Variants in ICA1 observed in about 807,000 individuals in gnomAD.
The protein encoded by ICA1 is 69 kDa islet cell autoantigen.
A neutral mutation model predicts 71.0 loss-of-function variants in ICA1; 40 were observed. The ratio of observed to expected loss-of-function variants is 0.56; its 90% CI spans 0.44 to 0.73. ICA1 has a LOEUF of 0.73. Among genes scored for constraint, ICA1 ranks in the 30% least tolerant of loss-of-function variants. The probability of loss-of-function intolerance (pLI) is 0.00; values close to 1 mark genes in which losing one functional copy is unlikely to be tolerated. For missense variants in ICA1, 578 were observed against 576.5 expected, an observed-to-expected ratio of 1.00 and a Z score of -0.03; for synonymous variants, 207 against 209.5, an observed-to-expected ratio of 0.99 and a Z score of 0.10.
intron 1 of ICA1, among the ~76,000 whole-genome samples, chr7:8,245,585 A>G (rs772487423): frequency 1.3e-5 from 2 of 152,178 alleles, no homozygotes; most frequent in African/African-American, 4.8e-5. Flanking sequence ...GAATTATACT[A>G]TGAGTTTAAA....
chr7:8,236,429 T>C (rs1179129750), intron 1 of ICA1, among the ~76,000 whole-genome samples: 1 of 152,184 alleles, frequency 6.6e-6, no homozygotes, highest in Non-Finnish European at 1.5e-5. Flanking sequence ...GAGAGAGATA[T>C]ACAGCAGCTT....
Position 8,228,675 on chromosome 7 carries a change from T to C in ICA1, c.184-2A>G. On this transcript the variant is annotated splice_acceptor_variant, in intron 3 of 13. Transcript: ENST00000402384. LOFTEE classifies it high-confidence loss of function. ...GGTTCTCTGAATTGAATGAAACAGC[T>C]GTAATAAAAATACAAACAAAATGCA... 1 of 1,592,212 alleles carries C rather than the reference T, an allele frequency of 6.3e-7. No individual in the cohort carries two copies. Among genetic ancestry groups the C allele is most frequent in the Non-Finnish European group, 8.6e-7 (1 of 1,167,366 alleles).
At chr7:8,162,962 C>T (rs1804453630) in intron 6 of ICA1, among the ~76,000 whole-genome samples, 1 of 152,184 alleles carries the variant, frequency 6.6e-6, no homozygotes. Flanking sequence ...TACGGTTTCA[C>T]CATGTTGGCC....
intron 13 of ICA1, among the ~76,000 whole-genome samples, chr7:8,125,279 G>A (rs985290365): frequency 5.9e-5 from 9 of 152,158 alleles, no homozygotes; most frequent in African/African-American, 2.2e-4. Flanking sequence ...TCCCTGTGTG[G>A]CCTGGCCTCC....
intron 1 of ICA1, among the ~76,000 whole-genome samples, chr7:8,237,752 T>C (rs1457603216): frequency 6.6e-6 from 1 of 152,134 alleles, no homozygotes; most frequent in Non-Finnish European, 1.5e-5. Context: ...ATCTGTGTTG[T>C]AGTATATGAC....
At chr7:8,158,378 C>A in intron 7 of ICA1, 149 bp downstream of exon 7, 1 of 912,940 alleles carries the variant, frequency 1.1e-6, no homozygotes, top group South Asian at 1.7e-5. Flanking sequence ...ACGTAGGGCC[C>A]TAGAAGGCAG....
chr7:8,246,809 C>T (rs774412015), intron 1 of ICA1, among the ~76,000 whole-genome samples: 6 of 152,164 alleles, frequency 3.9e-5, no homozygotes, highest in African/African-American at 9.7e-5. Flanking sequence ...TATAGTGGTG[C>T]GATCTCGGCT....
intron 6 of ICA1, among the ~76,000 whole-genome samples, chr7:8,183,849 A>T (rs1283747496): frequency 6.6e-6 from 1 of 152,192 alleles, no homozygotes; most frequent in African/African-American, 2.4e-5. Flanking sequence ...GCTACAGATA[A>T]GGCATGATCT....
At chr7:8,218,719 G>A (rs1292471117) in intron 5 of ICA1, 5 of 572,782 alleles carry the variant, frequency 8.7e-6, no homozygotes, top group Non-Finnish European at 1.6e-5. Context: ...TTAGTTTACT[G>A]CTACTAACTG....
At chr7:8,195,762 G>A (rs906678320) in intron 6 of ICA1, among the ~76,000 whole-genome samples, 6 of 152,014 alleles carry the variant, frequency 3.9e-5, no homozygotes, top group Non-Finnish European at 7.4e-5. Flanking sequence ...GGAGGATCAC[G>A]AGGTCAGGAG....
chr7:8,202,660 C>T (rs1790126732), intron 6 of ICA1, among the ~76,000 whole-genome samples: 1 of 152,122 alleles, frequency 6.6e-6, no homozygotes, highest in Non-Finnish European at 1.5e-5. Flanking sequence ...TTTTATATCA[C>T]CCTTGACTTT....
intron 1 of ICA1, among the ~76,000 whole-genome samples, chr7:8,253,388 A>G (rs1373205190): frequency 1.3e-5 from 2 of 152,232 alleles, no homozygotes; most frequent in African/African-American, 4.8e-5. Context: ...GTGAATAGTA[A>G]GTGAAGTGGT....
chr7:8,216,615 C>A (rs916052947), intron 6 of ICA1, among the ~76,000 whole-genome samples: 4 of 146,504 alleles, frequency 2.7e-5, no homozygotes, highest in Non-Finnish European at 4.5e-5. Flanking sequence ...AATTCTTCTG[C>A]CTTCCAGAAT....
At chr7:8,214,946 C>T (rs997202455) in intron 6 of ICA1, among the ~76,000 whole-genome samples, 2 of 152,180 alleles carry the variant, frequency 1.3e-5, no homozygotes, top group African/African-American at 4.8e-5. Context: ...GGTGCTACCA[C>T]GGAATCTGGT....
At chr7:8,191,392 C>G (rs561844212) in intron 6 of ICA1, among the ~76,000 whole-genome samples, 40 of 152,332 alleles carry the variant, frequency 2.6e-4, no homozygotes, top group African/African-American at 9.1e-4. Context: ...TCAGCAGAAA[C>G]TGTACTTCAA....
chr7:8,259,503 G>A (rs985187721), intron 1 of ICA1, among the ~76,000 whole-genome samples: 15 of 152,194 alleles, frequency 9.9e-5, no homozygotes, highest in African/African-American at 3.4e-4. Flanking sequence ...CAAAGCAGCA[G>A]CATTCTTTTT....
Position 8,236,017 on chromosome 7 carries a change from C to A in ICA1, c.-79-12G>T. 7.5e-7 allele frequency: 1 copy of A among 1,340,272 alleles called. No individual in the cohort carries two copies. The highest frequency in any genetic ancestry group is 1.2e-5 in the South Asian group (1 of 82,022). The allele number at this position is 1,340,272 out of a possible 1,614,324, so 83.0% of individuals were successfully genotyped here. On this transcript the variant is annotated splice_polypyrimidine_tract_variant and intron_variant, in intron 1 of 13. Coordinates refer to ENST00000402384, the MANE Select transcript of ICA1 (RefSeq NM_001136020.3). ...AGTTATATTATAACCTGAAATAAAA[C>A]AAATATGTTTAATAGTTACACACCA...
rs762268325 is a variant in ICA1, at chr7:8,130,987, C to T, written c.1061-2845G>A. ...CTGGAAATGACTCCTTACCCTCCAC[C>T]CCAGTGAATGACTGATGAGGCTGGC... On this transcript the variant is annotated intron_variant, in intron 12 of 13. Coordinates refer to ENST00000402384, the MANE Select transcript of ICA1 (RefSeq NM_001136020.3). The surrounding 1 kb of genome is among the most constrained non-coding windows in gnomAD (Gnocchi z 4.2). Among the ~76,000 whole-genome samples the T allele has an allele frequency of 5.9e-5, 9 of 152,182 alleles. No homozygotes were observed. The highest frequency in any genetic ancestry group is 8.8e-5 in the Non-Finnish European group (6 of 68,028).
intron 13 of ICA1, among the ~76,000 whole-genome samples, chr7:8,124,244 C>G (rs538449434): frequency 6.6e-6 from 1 of 151,704 alleles, no homozygotes; most frequent in Non-Finnish European, 1.5e-5. Flanking sequence ...CCTCAGCCTC[C>G]CAAGTAGCTG....
Sources: allele counts gnomAD v4.1 joint callset (sites outside exome capture counted in the v4.1 genomes callset), GRCh38; gene constraint gnomAD v4.1.1; non-coding constraint Gnocchi (gnomAD v3.1); transcripts MANE v1.5; gene names NCBI Gene and HGNC (gene_info 2026-07-23, HGNC 2026-07-21).